Variants in TCEANC2 observed in about 807,000 individuals in gnomAD.
TCEANC2 encodes transcription elongation factor A N-terminal and central domain-containing protein 2.
In TCEANC2, 20 loss-of-function variants were observed where a neutral mutation model predicts 22.8. The observed-to-expected ratio is 0.88, with a 90% CI of 0.62 to 1.28. The LOEUF (loss-of-function observed/expected upper bound fraction) is 1.28, where lower values mean the gene tolerates loss of function less well. Ranked by LOEUF, TCEANC2 falls within the 50% of genes most tolerant of loss-of-function variation. TCEANC2 has a pLI of 0.00. For synonymous variants in TCEANC2, 84 were observed against 95.5 expected (o/e 0.88, Z 0.70); for missense variants, 251 against 249.7 (o/e 1.01, Z -0.03).
chr1:54,073,013 C>T (rs1264850960), intron 3 of TCEANC2, among the ~76,000 whole-genome samples: 4 of 151,798 alleles, frequency 2.6e-5, no homozygotes, highest in East Asian at 1.9e-4. Context: ...ACTCCCAAGC[C>T]GGAGTGCAGT....
chr1:54,068,790 A>G lies in TCEANC2; in HGVS notation c.137A>G (p.Lys46Arg). 6.2e-7 allele frequency: 1 copy of G among 1,609,228 alleles called. No individual in the cohort carries two copies. The highest frequency in any genetic ancestry group is 8.5e-7 in the Non-Finnish European group (1 of 1,178,688). ...GTTGTAGAAGACATAAAAAGATGGA[A>G]AACTATGCTGGAGCTTCCTGATCAA... is the stretch of plus-strand genomic sequence containing the variant. ...VVVVEDIKRW[K>R]TMLELPDQTK... Residue 46 changes from lysine to arginine, a missense_variant, in exon 3 of 5, where the codon AAA becomes AGA. Lys to Arg is a conservative substitution (Grantham distance 26). Transcript: ENST00000234827.
rs931734564 is a variant in TCEANC2, at chr1:54,054,593, T to C, written c.102+69T>C. The C allele has an allele frequency of 2.1e-5, 31 of 1,461,698 alleles. No homozygotes were observed. In the African/African-American group the frequency reaches 4.1e-4, roughly 19 times the overall value. The allele number at this position is 1,461,698 out of a possible 1,614,324, so 90.5% of individuals were successfully genotyped here. On this transcript the variant is annotated intron_variant, in intron 2 of 4. Transcript: ENST00000234827. ...TAGCAAGGTGGTGCTAGAGGTTCTG[T>C]TGTGGAAAGACCTATGAATTATTTC... is the stretch of plus-strand genomic sequence containing the variant.
In TCEANC2 at chr1:54,076,648, G is replaced by A. The variant is rs116740451; in HGVS notation, c.244+7751G>A. Reference sequence around the variant, plus strand: ...TGGTAGCTATAGGATGACATGATGAGCGTTTCTGGTGACCAAGAGAAAAAT... The same window carrying A: ...TGGTAGCTATAGGATGACATGATGAACGTTTCTGGTGACCAAGAGAAAAAT... On this transcript the variant is annotated intron_variant, in intron 3 of 4. Transcript: ENST00000234827. Among the ~76,000 whole-genome samples the A allele has an allele frequency of 9.3e-3, 1,423 of 152,258 alleles. 24 individuals are homozygous for A. The highest frequency in any genetic ancestry group is 0.032 in the African/African-American group (1,334 of 41,542).
At chr1:54,073,555 G>C (rs548475138) in intron 3 of TCEANC2, among the ~76,000 whole-genome samples, 1 of 152,156 alleles carries the variant, frequency 6.6e-6, no homozygotes, top group East Asian at 1.9e-4. Context: ...TTGGGGTTAG[G>C]TGGCTTTTAT....
At chr1:54,094,586 G>A (rs1385610689) in intron 4 of TCEANC2, among the ~76,000 whole-genome samples, 3 of 152,040 alleles carry the variant, frequency 2.0e-5, no homozygotes, top group Non-Finnish European at 2.9e-5. Context: ...CTTTCTCCTG[G>A]TGCACAGGAT....
chr1:54,089,910 C>A, intron 4 of TCEANC2: 1 of 741,196 alleles, frequency 1.3e-6, no homozygotes. Context: ...AAGCATTCAG[C>A]AAACAATGGC....
At chr1:54,063,218 C>T (rs985053631) in intron 2 of TCEANC2, among the ~76,000 whole-genome samples, 12 of 151,986 alleles carry the variant, frequency 7.9e-5, no homozygotes, top group African/African-American at 2.4e-4. Flanking sequence ...AGCTGGAAGC[C>T]GAAACAGGAC....
chr1:54,065,790 A>G (rs539453295), intron 2 of TCEANC2, among the ~76,000 whole-genome samples: 32 of 152,052 alleles, frequency 2.1e-4, no homozygotes, highest in Non-Finnish European at 4.3e-4. Context: ...TAGAGGGAAA[A>G]AAAAGGGGCT....
intron 3 of TCEANC2, among the ~76,000 whole-genome samples, chr1:54,081,522 A>G (rs562518462): frequency 6.6e-6 from 1 of 152,334 alleles, no homozygotes; most frequent in East Asian, 1.9e-4. Flanking sequence ...TGCTGGGATT[A>G]CAGGCATGCC....
chr1:54,067,880 C>T (rs559825971), intron 2 of TCEANC2, among the ~76,000 whole-genome samples: 2 of 152,294 alleles, frequency 1.3e-5, no homozygotes, highest in East Asian at 1.9e-4. Context: ...CTTCAATTCC[C>T]GAACTGTGCC....
intron 2 of TCEANC2, among the ~76,000 whole-genome samples, chr1:54,062,602 A>G (rs1013557544): frequency 3.3e-5 from 5 of 152,230 alleles, no homozygotes; most frequent in African/African-American, 1.2e-4. Flanking sequence ...GAAAGCATAG[A>G]TGCAATAATA....
intron 4 of TCEANC2, among the ~76,000 whole-genome samples, chr1:54,093,684 T>A (rs146289072): frequency 2.6e-5 from 4 of 152,084 alleles, no homozygotes; most frequent in African/African-American, 9.6e-5. Flanking sequence ...GCAATTCAGT[T>A]AACTATTTGC....
Position 54,104,803 on chromosome 1 carries a change from A to G in TCEANC2, c.*8330A>G. 2.5e-6 allele frequency: 1 copy of G among 401,114 alleles called. No homozygotes were observed. The highest frequency in any genetic ancestry group is 5.0e-6 in the Non-Finnish European group (1 of 198,482). 24.8% of individuals were successfully genotyped at this position (401,114 alleles called of 1,614,324 possible). On this transcript the variant is annotated 3_prime_UTR_variant, in exon 5 of 5. Coordinates refer to ENST00000234827, the MANE Select transcript of TCEANC2 (RefSeq NM_153035.3). Reference sequence around the variant, plus strand: ...GCAGTCCACCTGCCTCAGCTTCCCAAAGTGCTGGGATTACAGGCGTGAGCC... The same window carrying G: ...GCAGTCCACCTGCCTCAGCTTCCCAGAGTGCTGGGATTACAGGCGTGAGCC...
At chr1:54,068,076 A>T (rs1326949394) in intron 2 of TCEANC2, among the ~76,000 whole-genome samples, 1 of 152,230 alleles carries the variant, frequency 6.6e-6, no homozygotes, top group Non-Finnish European at 1.5e-5. Flanking sequence ...TTAACTGTTA[A>T]TTTTTTATAC....
At chr1:54,067,677 T>C (rs1213170475) in intron 2 of TCEANC2, among the ~76,000 whole-genome samples, 2 of 152,178 alleles carry the variant, frequency 1.3e-5, no homozygotes, top group South Asian at 2.1e-4. Context: ...TCTCCCACCA[T>C]AGGCTTCTAG....
chr1:54,061,506 T>TTA (rs1657855298), intron 2 of TCEANC2, among the ~76,000 whole-genome samples: 1 of 152,190 alleles, frequency 6.6e-6, no homozygotes, highest in Non-Finnish European at 1.5e-5. Flanking sequence ...CTACTAACAT[T>TTA]TATTGAGTCC....
chr1:54,074,462 CA>C (rs573382502), intron 3 of TCEANC2, among the ~76,000 whole-genome samples: 137 of 137,734 alleles, frequency 9.9e-4, no homozygotes, highest in South Asian at 1.8e-3. Flanking sequence ...GACTCCGTCT[CA>C]AAAAAAAAAA....
Position 54,096,955 on chromosome 1 carries a change from G to A in TCEANC2, c.*482G>A. ...GTCTGTTCTCTTTGCTCTATCCCAG[G>A]GGTGAGCCTGCGAGAGCCAGCCAAC... On this transcript the variant is annotated 3_prime_UTR_variant, in exon 5 of 5. Coordinates refer to ENST00000234827, the MANE Select transcript of TCEANC2 (RefSeq NM_153035.3). This position sits in a 1 kb window ranked among gnomAD's most constrained non-coding sequence, Gnocchi z 4.9. 1 of 986,194 alleles carries A rather than the reference G, an allele frequency of 1.0e-6. No individual in the cohort carries two copies. The highest frequency in any genetic ancestry group is 1.2e-6 in the Non-Finnish European group (1 of 830,240). 61.1% of individuals were successfully genotyped at this position (986,194 alleles called of 1,614,324 possible). A position where few individuals can be genotyped will look rare whatever the true frequency, so the allele number is the denominator to read the frequency against.
chr1:54,056,798 T>C (rs965461673), intron 2 of TCEANC2, among the ~76,000 whole-genome samples: 15 of 152,008 alleles, frequency 9.9e-5, no homozygotes, highest in African/African-American at 2.4e-4. Flanking sequence ...TCCTAGCACA[T>C]TGGGAGGCCA....
Sources: gnomAD v4.1 joint callset for allele counts (sites outside exome capture counted in the v4.1 genomes callset) on GRCh38, gnomAD v4.1.1 for gene constraint, Gnocchi (gnomAD v3.1) non-coding constraint, MANE v1.5 for transcripts, NCBI Gene and HGNC (gene_info 2026-07-23, HGNC 2026-07-21) for gene names.